The following CHST9 variants were observed in gnomAD, a reference collection of about 807,000 sequenced individuals.
The protein encoded by CHST9 is carbohydrate sulfotransferase 9.
CHST9 carries 41 observed loss-of-function variants against 44.4 expected under a neutral mutation model. The ratio of observed to expected loss-of-function variants is 0.92; its 90% CI spans 0.72 to 1.20. The LOEUF (loss-of-function observed/expected upper bound fraction) is 1.20. Among genes scored for constraint, CHST9 ranks in the 50% most tolerant of loss-of-function variants. The pLI is 0.00. For missense variants in CHST9, 504 were observed against 516.5 expected (o/e 0.98, Z 0.23); for synonymous variants, 171 against 178.4 (o/e 0.96, Z 0.33).
chr18:27,114,809 G>A (rs2058305951), intron 2 of CHST9, among the ~76,000 whole-genome samples: 1 of 152,132 alleles, frequency 6.6e-6, no homozygotes, highest in African/African-American at 2.4e-5. Context: ...CATTCCCACT[G>A]TATAGAATAC....
intron 4 of CHST9, among the ~76,000 whole-genome samples, chr18:26,974,411 G>A (rs1258458759): frequency 6.6e-6 from 1 of 152,210 alleles, no homozygotes; most frequent in African/African-American, 2.4e-5. Flanking sequence ...TATGAAAAAT[G>A]TGGGAAAGGA....
At chr18:26,957,175 T>G (rs1282602617) in intron 4 of CHST9, among the ~76,000 whole-genome samples, 1 of 152,134 alleles carries the variant, frequency 6.6e-6, no homozygotes, top group South Asian at 2.1e-4. Context: ...CAGTGCAAAC[T>G]GAAGGAACAA....
In CHST9 at chr18:27,053,267, G is replaced by GAA. The variant is rs1568151218; in HGVS notation, c.122-4765_122-4764insTT. ...AGAAGAAGAAGAAGAAGAAGGAGAAGGAGAAGGAGAAGGAGAAGGAGAAGG... is the reference window on the plus strand; with the variant it reads ...AGAAGAAGAAGAAGAAGAAGGAGAAGAAGAGAAGGAGAAGGAGAAGGAGAAGG... On this transcript the variant is annotated intron_variant, in intron 2 of 5. Coordinates refer to ENST00000618847, the MANE Select transcript of CHST9 (RefSeq NM_031422.6). 3.8e-4 allele frequency among the ~76,000 whole-genome samples: 42 copies of GAA among 109,296 alleles called. 2 individuals are homozygous for GAA. Among genetic ancestry groups the GAA allele is most frequent in the African/African-American group, 1.3e-3 (37 of 28,388 alleles). 71.7% of individuals were successfully genotyped at this position (109,296 alleles called of 152,430 possible).
At chr18:27,046,523 A>T (rs1448518172) in intron 3 of CHST9, among the ~76,000 whole-genome samples, 2 of 151,860 alleles carry the variant, frequency 1.3e-5, no homozygotes, top group Non-Finnish European at 2.9e-5. Flanking sequence ...AGGACATAGA[A>T]CCTGAGGAAA....
chr18:27,119,922 T>A (rs2058360497), intron 2 of CHST9, among the ~76,000 whole-genome samples: 1 of 152,072 alleles, frequency 6.6e-6, no homozygotes, highest in African/African-American at 2.4e-5. Context: ...GTGTGGGAGA[T>A]CAATACTAGA....
chr18:26,918,175 G>A (rs150545492), intron 5 of CHST9, among the ~76,000 whole-genome samples: 1 of 152,022 alleles, frequency 6.6e-6, no homozygotes, highest in East Asian at 1.9e-4. Context: ...CATGGAAGAC[G>A]GGATTTACAA....
At chr18:27,179,256 G>C (rs2058893153) in intron 1 of CHST9, among the ~76,000 whole-genome samples, 1 of 151,918 alleles carries the variant, frequency 6.6e-6, no homozygotes, top group African/African-American at 2.4e-5. Flanking sequence ...GAGAAATAAG[G>C]ACCAGAAGAA....
chr18:27,167,790 G>A (rs560628009), intron 1 of CHST9, among the ~76,000 whole-genome samples: 5 of 152,274 alleles, frequency 3.3e-5, no homozygotes, highest in African/African-American at 7.2e-5. Flanking sequence ...TCTAAGCTGC[G>A]ATCTGAAGTA....
At chr18:26,942,614 TG>T (rs2056100435) in intron 5 of CHST9, among the ~76,000 whole-genome samples, 2 of 152,216 alleles carry the variant, frequency 1.3e-5, no homozygotes, top group South Asian at 4.1e-4. Context: ...GTATATTTTT[TG>T]ACCAATTGCT....
chr18:27,052,560 A>G (rs2057580829), intron 2 of CHST9, among the ~76,000 whole-genome samples: 1 of 152,088 alleles, frequency 6.6e-6, no homozygotes, highest in Non-Finnish European at 1.5e-5. Context: ...GACAACTGTG[A>G]CACTACATCT....
chr18:27,020,565 GTTT>G (rs2057212639), intron 4 of CHST9, among the ~76,000 whole-genome samples: 1 of 152,208 alleles, frequency 6.6e-6, no homozygotes, highest in African/African-American at 2.4e-5. Context: ...CATGGGAGAT[GTTT>G]ATATTCATTA....
At chr18:27,030,924 A>G (rs2143492696) in intron 3 of CHST9, among the ~76,000 whole-genome samples, 1 of 148,818 alleles carries the variant, frequency 6.7e-6, no homozygotes, top group South Asian at 2.1e-4. Context: ...AAATAGGGCA[A>G]AAACAAACAA....
chr18:27,086,124 G>T (rs1277288451), intron 2 of CHST9, among the ~76,000 whole-genome samples: 1 of 152,120 alleles, frequency 6.6e-6, no homozygotes, highest in African/African-American at 2.4e-5. Context: ...TGAGGGTGGA[G>T]GGTGAGAGGA....
Position 26,948,161 on chromosome 18 carries a change from A to G in CHST9, c.203-3795T>C, listed in dbSNP as rs1222597641. ...CTAACACAGGAACAGAAAACCAAAC[A>G]CCTCATGTTCTCACTCATAAGTGGG... On this transcript the variant is annotated intron_variant, in intron 4 of 5. Coordinates refer to ENST00000618847, the MANE Select transcript of CHST9 (RefSeq NM_031422.6). Among the ~76,000 whole-genome samples, 4 of 152,170 alleles carry G rather than the reference A, an allele frequency of 2.6e-5. No homozygotes were observed. In the East Asian group the frequency reaches 5.8e-4, roughly 22 times the overall value.
At chr18:27,048,291 G>A (rs1264080455) in intron 3 of CHST9, among the ~76,000 whole-genome samples, 174 bp downstream of exon 3, 2 of 152,120 alleles carry the variant, frequency 1.3e-5, no homozygotes, top group Admixed American at 1.3e-4. Context: ...CATAACTGAT[G>A]TGAAAGTGAG....
At chr18:27,076,787 A>G (rs1301167934) in intron 2 of CHST9, among the ~76,000 whole-genome samples, 1 of 152,208 alleles carries the variant, frequency 6.6e-6, no homozygotes, top group African/African-American at 2.4e-5. Flanking sequence ...AAAGTGTTTG[A>G]CAGAAAGCTT....
At chr18:27,071,796 T>C (rs1446686323) in intron 2 of CHST9, among the ~76,000 whole-genome samples, 1 of 152,152 alleles carries the variant, frequency 6.6e-6, no homozygotes, top group Non-Finnish European at 1.5e-5. Context: ...GGCATTAATA[T>C]AATAACAAAG....
intron 4 of CHST9, among the ~76,000 whole-genome samples, chr18:26,953,309 G>A (rs2056276370): frequency 6.6e-6 from 1 of 152,200 alleles, no homozygotes; most frequent in East Asian, 1.9e-4. Context: ...TAATGGTGAT[G>A]ACTACCCTAA....
intron 2 of CHST9, among the ~76,000 whole-genome samples, chr18:27,112,424 T>G (rs115737707): frequency 0.018 from 2,736 of 151,956 alleles, 73 homozygotes; most frequent in African/African-American, 0.061. Flanking sequence ...GAGGGTAATT[T>G]TATACAATAT....
Sources: allele counts gnomAD v4.1 joint callset (sites outside exome capture counted in the v4.1 genomes callset), GRCh38; gene constraint gnomAD v4.1.1; transcripts MANE v1.5; gene names NCBI Gene and HGNC (gene_info 2026-07-23, HGNC 2026-07-21).